TMTC2: variants seen among roughly 807,000 people sequenced by gnomAD.
TMTC2 encodes the protein protein O-mannosyl-transferase TMTC2.
A neutral mutation model predicts 82.4 loss-of-function variants in TMTC2; 43 were observed. The ratio of observed to expected loss-of-function variants is 0.52; its 90% CI spans 0.41 to 0.67. TMTC2 has a LOEUF of 0.67. Ranked by LOEUF, TMTC2 falls within the 30% of genes least tolerant of loss-of-function variation. The pLI is 0.00. For missense variants in TMTC2, 919 were observed against 1,012.4 expected (o/e 0.91, Z 1.25); for synonymous variants, 408 against 381.9 (o/e 1.07, Z -0.80).
chr12:83,003,392 G>C (rs184313446), intron 8 of TMTC2, among the ~76,000 whole-genome samples: 6 of 147,786 alleles, frequency 4.1e-5, no homozygotes, highest in Non-Finnish European at 8.9e-5. Flanking sequence ...TGCCTCTTAC[G>C]TGGGGGTGTT....
chr12:82,993,619 ATTAG>A (rs1034273014), intron 8 of TMTC2, among the ~76,000 whole-genome samples: 1 of 152,148 alleles, frequency 6.6e-6, no homozygotes, highest in African/African-American at 2.4e-5. Flanking sequence ...TTATTATATT[ATTAG>A]TTAAGTTTTG....
chr12:82,754,845 AT>A (rs1458006082), intron 1 of TMTC2, among the ~76,000 whole-genome samples: 2 of 152,204 alleles, frequency 1.3e-5, no homozygotes, highest in Non-Finnish European at 2.9e-5. Context: ...TGGCCTGGAA[AT>A]TTTTTATATT....
At chr12:82,993,964 C>T (rs1592680351) in intron 8 of TMTC2, among the ~76,000 whole-genome samples, 1 of 147,288 alleles carries the variant, frequency 6.8e-6, no homozygotes, top group Middle Eastern at 3.4e-3. Context: ...TGAATGCTTG[C>T]AGACAGGATG....
At position 82,763,352 on chromosome 12, in the gene TMTC2, C is replaced by T. The variant is rs532109053; in HGVS notation, c.83+75683C>T. On this transcript the variant is annotated intron_variant, in intron 1 of 11. Transcript: ENST00000321196. ...CCCTCTAGATCAGTTCTCAAAATTTCCTGTACTGAAAGGTCACTTAGGGGA... is the reference window on the plus strand; with the variant it reads ...CCCTCTAGATCAGTTCTCAAAATTTTCTGTACTGAAAGGTCACTTAGGGGA... Among the ~76,000 whole-genome samples, 54 of 152,256 alleles carry T rather than the reference C, an allele frequency of 3.5e-4. 1 individual carries two copies. The highest frequency in any genetic ancestry group is 1.3e-3 in the African/African-American group (53 of 41,550).
intron 1 of TMTC2, among the ~76,000 whole-genome samples, chr12:82,774,251 ATGTG>A (rs1237003624): frequency 1.3e-5 from 2 of 152,100 alleles, no homozygotes; most frequent in Non-Finnish European, 2.9e-5. Context: ...GTGTGTGTAT[ATGTG>A]TGTATGTATA....
At position 83,052,712 on chromosome 12, in the gene TMTC2, A is replaced by C. The variant is rs1308744422; in HGVS notation, c.2267+1694A>C. ...CAAGGTCTACCAATAGAAACCCATT[A>C]TAAGTGTATTACAAAATAAAGTCCT... On this transcript the variant is annotated intron_variant, in intron 10 of 11. Coordinates refer to ENST00000321196, the MANE Select transcript of TMTC2 (RefSeq NM_152588.3). Among the ~76,000 whole-genome samples the C allele has an allele frequency of 1.3e-5, 2 of 152,184 alleles. 1 individual carries two copies. Among genetic ancestry groups the C allele is most frequent in the Admixed American group, 1.3e-4 (2 of 15,276 alleles).
At chr12:82,954,196 C>G (rs1156229910) in intron 4 of TMTC2, among the ~76,000 whole-genome samples, 2 of 152,058 alleles carry the variant, frequency 1.3e-5, no homozygotes, top group Non-Finnish European at 2.9e-5. Flanking sequence ...AAATGCTATC[C>G]TCTGTAACTC....
intron 1 of TMTC2, among the ~76,000 whole-genome samples, chr12:82,782,805 A>T (rs1877972369): frequency 6.6e-6 from 1 of 152,180 alleles, no homozygotes; most frequent in Non-Finnish European, 1.5e-5. Context: ...TGTGATGCAC[A>T]GTGCCTTTGA....
intron 2 of TMTC2, among the ~76,000 whole-genome samples, chr12:82,862,631 A>G (rs1356847008): frequency 2.6e-5 from 4 of 152,220 alleles, no homozygotes; most frequent in Non-Finnish European, 1.5e-5. Flanking sequence ...GTTTCAATAA[A>G]TAATATTGTT....
intron 11 of TMTC2, among the ~76,000 whole-genome samples, chr12:83,119,244 C>A (rs927190201): frequency 2.6e-5 from 4 of 152,050 alleles, no homozygotes; most frequent in African/African-American, 7.2e-5. Flanking sequence ...AGATTGTCTG[C>A]CTGTGCTCTT....
At chr12:83,055,968 A>C (rs1040609585) in intron 10 of TMTC2, among the ~76,000 whole-genome samples, 1 of 151,944 alleles carries the variant, frequency 6.6e-6, no homozygotes, top group Non-Finnish European at 1.5e-5. Flanking sequence ...TTAAGGCTTA[A>C]TGTAGTATGA....
At chr12:82,751,693 G>A (rs1204253537) in intron 1 of TMTC2, among the ~76,000 whole-genome samples, 1 of 152,076 alleles carries the variant, frequency 6.6e-6, no homozygotes, top group Non-Finnish European at 1.5e-5. Context: ...TTCATGGGAG[G>A]TGAGTATATT....
At chr12:83,028,627 CTT>C (rs927339202) in intron 8 of TMTC2, among the ~76,000 whole-genome samples, 1 of 148,324 alleles carries the variant, frequency 6.7e-6, no homozygotes, top group Admixed American at 6.8e-5. Flanking sequence ...TGCCTGTCCT[CTT>C]TTTTTTTTAT....
intron 2 of TMTC2, among the ~76,000 whole-genome samples, chr12:82,880,599 G>T (rs1872773918): frequency 6.6e-6 from 1 of 152,096 alleles, no homozygotes; most frequent in African/African-American, 2.4e-5. Context: ...CGAATTTACT[G>T]AGTGCCAGAC....
In TMTC2 at chr12:83,116,300, A is replaced by G. The variant is rs189405235; in HGVS notation, c.2332-15910A>G. Among the ~76,000 whole-genome samples the G allele has an allele frequency of 8.3e-3, 1,228 of 148,056 alleles. 14 individuals carry two copies. The highest frequency in any genetic ancestry group is 0.03 in the African/African-American group (1,180 of 39,422). ...AGTATTCCATTGTGTGTGTGTGTGTATATATATATACCACAGTTTCTTTAT... is the reference window on the plus strand; with the variant it reads ...AGTATTCCATTGTGTGTGTGTGTGTGTATATATATACCACAGTTTCTTTAT... On this transcript the variant is annotated intron_variant, in intron 11 of 11. Transcript: ENST00000321196.
intron 11 of TMTC2, among the ~76,000 whole-genome samples, chr12:83,072,338 C>T (rs961312968): frequency 7.2e-5 from 11 of 152,056 alleles, no homozygotes; most frequent in Admixed American, 1.3e-4. Context: ...AGTTGATTTC[C>T]GGCTTTATTC....
At chr12:83,098,472 C>G (rs1449551377) in intron 11 of TMTC2, among the ~76,000 whole-genome samples, 1 of 152,230 alleles carries the variant, frequency 6.6e-6, no homozygotes, top group Admixed American at 6.5e-5. Context: ...TAACTGCTCT[C>G]TTTGCCTCAA....
intron 4 of TMTC2, among the ~76,000 whole-genome samples, chr12:82,962,878 G>T (rs1878004115): frequency 2.0e-5 from 3 of 152,100 alleles, no homozygotes; most frequent in African/African-American, 7.2e-5. Context: ...AGGAGTTCAT[G>T]AATAAAGAGA....
intron 11 of TMTC2, among the ~76,000 whole-genome samples, chr12:83,097,412 C>T (rs1479700894): frequency 6.6e-6 from 1 of 152,242 alleles, no homozygotes; most frequent in East Asian, 1.9e-4. Context: ...TCTTTGCTCC[C>T]GGCTTTATTT....
Sources: allele counts gnomAD v4.1 joint callset (sites outside exome capture counted in the v4.1 genomes callset), GRCh38; gene constraint gnomAD v4.1.1; transcripts MANE v1.5; gene names NCBI Gene and HGNC (gene_info 2026-07-23, HGNC 2026-07-21).